The following SASH1 variants were observed in gnomAD, a reference collection of about 807,000 sequenced individuals.
The protein encoded by SASH1 is SAM and SH3 domain containing 1.
SASH1 carries 44 observed loss-of-function variants against 125.2 expected under a neutral mutation model. The observed-to-expected ratio is 0.35, with a 90% CI of 0.28 to 0.45. SASH1 has a LOEUF of 0.45. Among genes scored for constraint, SASH1 ranks in the 20% least tolerant of loss-of-function variants. The probability of loss-of-function intolerance (pLI) is 1.00; values close to 1 mark genes in which losing one functional copy is unlikely to be tolerated. For synonymous variants in SASH1, 639 were observed against 649.1 expected, an observed-to-expected ratio of 0.98 and a Z score of 0.24; for missense variants, 1,426 against 1,614.5, an observed-to-expected ratio of 0.88 and a Z score of 2.00.
At chr6:148,327,939 TAAAA>T (rs569288406) in intron 1 of SASH1, among the ~76,000 whole-genome samples, 3 of 121,288 alleles carry the variant, frequency 2.5e-5, no homozygotes, top group Non-Finnish European at 3.5e-5. Flanking sequence ...AGACTCTGTC[TAAAA>T]AAAAAAAAAA....
chr6:148,438,707 C>CA (rs1441869688), intron 2 of SASH1, among the ~76,000 whole-genome samples: 1 of 109,850 alleles, frequency 9.1e-6, no homozygotes, highest in Non-Finnish European at 1.7e-5. Context: ...CCAGCACATT[C>CA]TTTTTTTTTC....
In SASH1 at chr6:148,456,299, G is replaced by A. The variant is rs150813819; in HGVS notation, c.387-12246G>A. On this transcript the variant is annotated intron_variant, in intron 4 of 19. Transcript: ENST00000367467. ...TCAAAGCTGGGGGCCCTCCCTGCCC[G>A]TCTCTATAGGGATCAGTGACCCCAT... is the stretch of plus-strand genomic sequence containing the variant. 1.3e-3 allele frequency among the ~76,000 whole-genome samples: 198 copies of A among 152,200 alleles called. 1 individual carries two copies. The East Asian group carries it at 0.02, about 16-fold the overall frequency.
At chr6:148,440,486 C>T in intron 4 of SASH1, 79 bp downstream of exon 4, 2 of 1,158,760 alleles carry the variant, frequency 1.7e-6, no homozygotes, top group South Asian at 1.2e-5. Flanking sequence ...ATCAAACAGG[C>T]GATCATGTGC....
chr6:148,368,762 A>ACGCG (rs781320365), intron 1 of SASH1, among the ~76,000 whole-genome samples: 2,807 of 131,434 alleles, frequency 0.021, 139 homozygotes, highest in East Asian at 0.17. Flanking sequence ...ATGCGCGCGC[A>ACGCG]CGCGCGCGCA....
chr6:148,534,074 G>A (rs1781692213), intron 15 of SASH1, 94 bp downstream of exon 15: 10 of 1,085,348 alleles, frequency 9.2e-6, no homozygotes, highest in Non-Finnish European at 1.4e-5. Context: ...GGTAGGGTTG[G>A]GGCTGATCTG....
chr6:148,272,250 G>T (rs1439814629), upstream of SASH1: 1 of 440,620 alleles, frequency 2.3e-6, no homozygotes, highest in Non-Finnish European at 4.8e-6. Flanking sequence ...GCCCTGAATT[G>T]AAAACAGATT....
At chr6:148,528,095 G>A (rs971901642) in intron 12 of SASH1, among the ~76,000 whole-genome samples, 1 of 151,856 alleles carries the variant, frequency 6.6e-6, no homozygotes, top group African/African-American at 2.4e-5. Context: ...ACCAGGCTTT[G>A]GTAATAATGT....
intron 2 of SASH1, among the ~76,000 whole-genome samples, chr6:148,394,681 G>A (rs528790946): frequency 3.0e-4 from 45 of 151,728 alleles, no homozygotes; most frequent in African/African-American, 1.1e-3. Flanking sequence ...TTTCACTTTT[G>A]TTGCCCAGGC....
At chr6:148,318,366 A>G (rs1323073145) in intron 1 of SASH1, among the ~76,000 whole-genome samples, 1 of 152,220 alleles carries the variant, frequency 6.6e-6, no homozygotes, top group Non-Finnish European at 1.5e-5. Context: ...TAGTAACAGT[A>G]TAGAAAAATT....
rs549141426 is a variant in SASH1 at position 148,546,864 on chromosome 6, G to A, written c.3480+718G>A. Among the ~76,000 whole-genome samples, 38 of 151,798 alleles carry A rather than the reference G, an allele frequency of 2.5e-4. 1 individual carries two copies. The South Asian group carries it at 7.7e-3, about 31-fold the overall frequency. On this transcript the variant is annotated intron_variant, in intron 19 of 19. Coordinates refer to ENST00000367467, the MANE Select transcript of SASH1 (RefSeq NM_015278.5). ...TGATTGTTGGCTATTATCAGATCAT[G>A]AATCTGTTTCCCTGTTACTTAAAAA... is the stretch of plus-strand genomic sequence containing the variant.
At chr6:148,349,713 A>G (rs9498007) in intron 1 of SASH1, among the ~76,000 whole-genome samples, 34,733 of 151,924 alleles carry the variant, frequency 0.23, 4,298 homozygotes, top group East Asian at 0.28. Context: ...CTGAGGCCCA[A>G]CACTTTGTAC....
intron 4 of SASH1, among the ~76,000 whole-genome samples, chr6:148,460,547 T>C (rs1049689327): frequency 1.3e-5 from 2 of 152,222 alleles, no homozygotes; most frequent in African/African-American, 4.8e-5. Flanking sequence ...GGAGAGTTAA[T>C]GATAATTGAG....
At chr6:148,254,375 C>T in the SASH1 span, among the ~76,000 whole-genome samples, 1 of 152,096 alleles carries the variant, frequency 6.6e-6, no homozygotes, top group Middle Eastern at 3.2e-3. Context: ...ATGACATGCA[C>T]CTGTAGTCCC....
chr6:148,340,127 G>A (rs1262802299), upstream of SASH1, among the ~76,000 whole-genome samples: 1 of 152,148 alleles, frequency 6.6e-6, no homozygotes, highest in African/African-American at 2.4e-5. Context: ...TTGCTGGAAA[G>A]TGTTTATGTA....
the SASH1 span, among the ~76,000 whole-genome samples, chr6:148,231,937 AATT>A: frequency 6.6e-6 from 1 of 151,232 alleles, no homozygotes; most frequent in South Asian, 2.1e-4. Context: ...ACTGTTACCT[AATT>A]AATCGTCCAA....
intron 7 of SASH1, among the ~76,000 whole-genome samples, chr6:148,474,873 A>G (rs556180830): frequency 4.6e-5 from 7 of 152,240 alleles, no homozygotes; most frequent in Non-Finnish European, 7.3e-5. Flanking sequence ...CACCTGGCCT[A>G]TAAATATCGG....
chr6:148,436,999 G>A (rs1000250819), intron 2 of SASH1, among the ~76,000 whole-genome samples: 4 of 152,134 alleles, frequency 2.6e-5, no homozygotes, highest in African/African-American at 9.7e-5. Flanking sequence ...GGTTCACAAT[G>A]TTTACTATTT....
chr6:148,530,480 G>A (rs566436357), intron 12 of SASH1, among the ~76,000 whole-genome samples: 1 of 152,128 alleles, frequency 6.6e-6, no homozygotes, highest in South Asian at 2.1e-4. Context: ...TGTTTTTGAG[G>A]TCGCTTGCTC....
At chr6:148,412,062 T>C (rs2114912128) in intron 2 of SASH1, among the ~76,000 whole-genome samples, 1 of 152,334 alleles carries the variant, frequency 6.6e-6, no homozygotes, top group African/African-American at 2.4e-5. Flanking sequence ...CACTGAATGT[T>C]GCCACTCATG....
Sources: allele counts gnomAD v4.1 joint callset (sites outside exome capture counted in the v4.1 genomes callset), GRCh38; gene constraint gnomAD v4.1.1; transcripts MANE v1.5; gene names NCBI Gene and HGNC (gene_info 2026-07-23, HGNC 2026-07-21).